The following MMP24 variants were observed in gnomAD, a reference collection of about 807,000 sequenced individuals.
MMP24 encodes the protein matrix metalloproteinase-24.
In MMP24, 25 loss-of-function variants were observed where a neutral mutation model predicts 62.8. The observed-to-expected ratio is 0.40, with a 90% CI of 0.29 to 0.56. MMP24 has a LOEUF of 0.56. Among genes scored for constraint, MMP24 ranks in the 20% least tolerant of loss-of-function variants. The pLI is 0.50. For synonymous variants in MMP24, 319 were observed against 350.5 expected, an observed-to-expected ratio of 0.91 and a Z score of 1.00; for missense variants, 634 against 853.6, an observed-to-expected ratio of 0.74 and a Z score of 3.21.
Position 35,271,624 on chromosome 20 carries a change from C to T in MMP24, c.1389C>T (p.Ser463=), listed in dbSNP as rs766028033. The T allele has an allele frequency of 1.2e-6, 2 of 1,612,302 alleles. No homozygotes were observed. Among genetic ancestry groups the T allele is most frequent in the South Asian group, 2.2e-5 (2 of 90,570 alleles). ...CGGTGGAGCCTGGGTACCCCCACAG[C>T]CTGGGGGAGCTGGGCAGCTGTTTGC... The part of the protein sequence containing the change: ...EVTVEPGYPH[S]LGELGSCLPR... Residue 463 remains serine, a synonymous_variant, in exon 8 of 9, where the codon AGC becomes AGT. Transcript: ENST00000246186. This position sits in a 1 kb window ranked among gnomAD's most constrained non-coding sequence, Gnocchi z 4.0.
chr20:35,254,088 C>G (rs746364190), intron 3 of MMP24, among the ~76,000 whole-genome samples: 2 of 152,110 alleles, frequency 1.3e-5, no homozygotes, highest in Admixed American at 1.3e-4. Context: ...AGGCTGGTCT[C>G]GAACTCCTGA....
At chr20:35,257,145 A>G (rs970587360) in intron 4 of MMP24, among the ~76,000 whole-genome samples, 20 of 152,256 alleles carry the variant, frequency 1.3e-4, no homozygotes, top group East Asian at 5.8e-4. Flanking sequence ...ATATCATCGC[A>G]TGGATTAGGG....
intron 1 of MMP24, among the ~76,000 whole-genome samples, chr20:35,241,535 G>T (rs895174101): frequency 6.6e-6 from 1 of 151,802 alleles, no homozygotes; most frequent in Non-Finnish European, 1.5e-5. Flanking sequence ...ATCCATCCCA[G>T]TGTTTAGTTC....
intron 1 of MMP24, among the ~76,000 whole-genome samples, chr20:35,237,546 T>C (rs1280453049): frequency 6.6e-6 from 1 of 152,208 alleles, no homozygotes; most frequent in African/African-American, 2.4e-5. Flanking sequence ...TAAGGCAACA[T>C]ATTCCCAGGT....
chr20:35,272,682 G>A (rs1425760015), intron 8 of MMP24, among the ~76,000 whole-genome samples: 1 of 152,140 alleles, frequency 6.6e-6, no homozygotes, highest in African/African-American at 2.4e-5. Flanking sequence ...TGCAGAGTGG[G>A]CCTCCAGGAG....
At chr20:35,256,452 G>C (rs1345343761) in intron 4 of MMP24, 1 of 152,166 alleles carries the variant, frequency 6.6e-6, no homozygotes, top group Non-Finnish European at 1.5e-5. Flanking sequence ...AGGCACGGTG[G>C]ATCACACCTG....
intron 1 of MMP24, among the ~76,000 whole-genome samples, chr20:35,244,280 G>C (rs1486287952): frequency 6.6e-6 from 1 of 152,114 alleles, no homozygotes; most frequent in Non-Finnish European, 1.5e-5. Flanking sequence ...ATGGGAAACA[G>C]GGTTATCTAG....
Position 35,274,512 on chromosome 20 carries a change from G to A in MMP24, c.1841G>A (p.Cys614Tyr). ...AVVIPCILSL[C>Y]ILVLVYTIFQ... ...GTCATCCCCTGCATCCTGTCCCTCT[G>A]CATCCTGGTGCTGGTCTACACCATC... Residue 614 changes from cysteine (C) to tyrosine (Y), a missense_variant, in exon 9 of 9, where the codon TGC becomes TAC. Physicochemically the swap from Cys to Tyr is radical, Grantham distance 194. Around this residue, in one of 3 missense-constraint regions of MMP24, gnomAD observed 399 missense variants for 530.8 expected, o/e 0.75. Transcript: ENST00000246186. The surrounding 1 kb of genome is among the most constrained non-coding windows in gnomAD (Gnocchi z 5.1). The A allele has an allele frequency of 6.2e-7, 1 of 1,614,016 alleles. No homozygotes were observed. The highest frequency in any genetic ancestry group is 8.5e-7 in the Non-Finnish European group (1 of 1,179,890).
At chr20:35,228,472 G>C (rs977607463) in intron 1 of MMP24, among the ~76,000 whole-genome samples, 3 of 152,138 alleles carry the variant, frequency 2.0e-5, no homozygotes, top group African/African-American at 7.2e-5. Context: ...GATTGCTTTA[G>C]ACTGCCTGAG....
chr20:35,243,083 G>T (rs922488090), intron 1 of MMP24, among the ~76,000 whole-genome samples: 1 of 152,080 alleles, frequency 6.6e-6, no homozygotes, highest in Non-Finnish European at 1.5e-5. Flanking sequence ...GGAGGCTGAG[G>T]CAGAAGAATC....
chr20:35,241,269 T>G (rs887432438), intron 1 of MMP24, among the ~76,000 whole-genome samples: 5 of 152,242 alleles, frequency 3.3e-5, no homozygotes, highest in Admixed American at 2.0e-4. Context: ...ATTAGAATTG[T>G]CCGACCCCGA....
intron 1 of MMP24, among the ~76,000 whole-genome samples, chr20:35,231,601 T>C (rs2146198519): frequency 6.6e-6 from 1 of 152,360 alleles, no homozygotes; most frequent in East Asian, 1.9e-4. Context: ...GCTTTGCACT[T>C]CCCATATGCC....
intron 1 of MMP24, among the ~76,000 whole-genome samples, chr20:35,235,469 G>A (rs1341542092): frequency 2.0e-5 from 3 of 152,164 alleles, no homozygotes; most frequent in Non-Finnish European, 4.4e-5. Flanking sequence ...GCTGAGGTGG[G>A]TGGATCACCT....
chr20:35,272,142 C>A (rs2146244317), intron 8 of MMP24: 1 of 452,260 alleles, frequency 2.2e-6, no homozygotes, highest in Non-Finnish European at 3.9e-6. Flanking sequence ...TTGAGTTACC[C>A]AATCTGAAAA....
rs958144803 is a variant in MMP24 at position 35,263,701 on chromosome 20, C to G, written c.818-90C>G. ...CCAGCACGGGGCCTGGCACAGGGCC[C>G]GTGCTCGGTGTTTGCTGAGGTAATG... On this transcript the variant is annotated intron_variant, in intron 4 of 8. Coordinates refer to ENST00000246186, the MANE Select transcript of MMP24 (RefSeq NM_006690.4). 3.4e-6 allele frequency: 4 copies of G among 1,176,246 alleles called. No individual in the cohort carries two copies. In the African/African-American group the frequency reaches 6.4e-5, roughly 19 times the overall value. 72.9% of individuals were successfully genotyped at this position (1,176,246 alleles called of 1,614,324 possible).
chr20:35,263,046 C>A (rs917928636), intron 4 of MMP24: 1 of 152,640 alleles, frequency 6.6e-6, no homozygotes, highest in East Asian at 1.9e-4. Context: ...CTACTTCTTT[C>A]TGCACAGACA....
intron 2 of MMP24, among the ~76,000 whole-genome samples, chr20:35,250,441 T>TC (rs1442893577): frequency 6.6e-6 from 1 of 151,810 alleles, no homozygotes; most frequent in African/African-American, 2.4e-5. Context: ...GCGCCTGTAA[T>TC]CCCAGCTACT....
intron 2 of MMP24, among the ~76,000 whole-genome samples, chr20:35,249,750 G>A (rs911076310): frequency 2.0e-5 from 3 of 151,710 alleles, no homozygotes; most frequent in East Asian, 3.9e-4. Flanking sequence ...CACCACGCCC[G>A]GCTAATTTTT....
intron 1 of MMP24, among the ~76,000 whole-genome samples, chr20:35,229,236 T>C (rs2060427790): frequency 6.6e-6 from 1 of 152,192 alleles, no homozygotes; most frequent in South Asian, 2.1e-4. Context: ...TCCTTCTCTT[T>C]TGGCATAGCA....
Sources: allele counts gnomAD v4.1 joint callset (sites outside exome capture counted in the v4.1 genomes callset), GRCh38; gene constraint gnomAD v4.1.1; regional missense constraint gnomAD v4.1.1; non-coding constraint Gnocchi (gnomAD v3.1); transcripts MANE v1.5; gene names NCBI Gene and HGNC (gene_info 2026-07-23, HGNC 2026-07-21).